Variants in KANK1 observed in about 807,000 individuals in gnomAD.
KANK1 encodes KN motif and ankyrin repeat domains 1, also known as KN motif and ankyrin repeat domain-containing protein 1.
Under a neutral mutation model 106.2 loss-of-function variants are expected in KANK1, and 109 were observed. The observed-to-expected ratio is 1.03, with a 90% confidence interval of 0.88 to 1.20. KANK1 has a LOEUF of 1.20. Among genes scored for constraint, KANK1 ranks in the 50% most tolerant of loss-of-function variants. The probability of loss-of-function intolerance (pLI) is 0.00; values close to 1 mark genes in which losing one functional copy is unlikely to be tolerated. For synonymous variants in KANK1, 873 were observed against 652.2 expected (o/e 1.34, Z -5.16); for missense variants, 2,399 against 1,710.7 (o/e 1.40, Z -7.10).
intron 1 of KANK1, among the ~76,000 whole-genome samples, chr9:674,849 G>A (rs1339038826): frequency 3.3e-5 from 5 of 152,052 alleles, no homozygotes; most frequent in East Asian, 3.9e-4. Context: ...GATTACAGGC[G>A]TGCACCACCA....
At chr9:648,232 G>A (rs1255221648) in intron 1 of KANK1, among the ~76,000 whole-genome samples, 1 of 143,118 alleles carries the variant, frequency 7.0e-6, no homozygotes, top group East Asian at 1.9e-4. Flanking sequence ...TCAATCTCTT[G>A]ACCCTGTGAT....
At position 722,967 on chromosome 9, in the gene KANK1, T is replaced by G. The variant is rs571637759; in HGVS notation, c.2699-7084T>G. ...GACAATGATGGGGAAAAAAGACATC[T>G]CTGTGGAATGGTTGGAATGGTATCA... On this transcript the variant is annotated intron_variant, in intron 3 of 11. Coordinates refer to ENST00000382297, the MANE Select transcript of KANK1 (RefSeq NM_015158.5). Among the ~76,000 whole-genome samples the G allele has an allele frequency of 5.3e-4, 81 of 152,192 alleles. 1 individual carries two copies. The highest frequency in any genetic ancestry group is 1.9e-3 in the African/African-American group (78 of 41,538).
intron 3 of KANK1, among the ~76,000 whole-genome samples, chr9:716,686 A>G (rs1827795454): frequency 6.6e-6 from 1 of 152,194 alleles, no homozygotes. Context: ...TATGCAAAAA[A>G]GTGTTATTTT....
rs556334266 is a variant in KANK1, at chr9:619,049, C to T, written c.-83-57841C>T. Among the ~76,000 whole-genome samples the T allele has an allele frequency of 2.4e-4, 36 of 152,268 alleles. 1 individual carries two copies. In the South Asian group the frequency reaches 5.2e-3, roughly 22 times the overall value. On this transcript the variant is annotated intron_variant, in intron 1 of 11. Transcript: ENST00000382297. ...AAATTTAGTGTCTGTTGGTCAAAAT[C>T]CACAGGACCTTTAGGAGAGAAAATG...
At chr9:742,163 C>A (rs368063539) in intron 9 of KANK1, 42 bp from the exon 10 acceptor site, 3 of 1,567,566 alleles carry the variant, frequency 1.9e-6, no homozygotes, top group Non-Finnish European at 2.6e-6. Context: ...CCACTGCCAG[C>A]TCAGTACGTA....
At chr9:644,910 C>G (rs1839308609) in intron 1 of KANK1, among the ~76,000 whole-genome samples, 1 of 150,732 alleles carries the variant, frequency 6.6e-6, no homozygotes, top group African/African-American at 2.5e-5. Context: ...TGCCTGAGCT[C>G]AGGAGTTCAA....
intron 1 of KANK1, among the ~76,000 whole-genome samples, chr9:582,291 T>TTTG (rs1206065841): frequency 1.1e-4 from 17 of 152,272 alleles, no homozygotes; most frequent in Non-Finnish European, 1.6e-4. Flanking sequence ...GAGGCATTTC[T>TTTG]TTGTTGTTGT....
At chr9:684,096 G>C (rs1323262) in intron 2 of KANK1, 359,200 of 892,222 alleles carry the variant, frequency 0.4, 77,780 homozygotes, top group East Asian at 0.9. Context: ...AAAAGCCCCT[G>C]GCTCATCAGA....
At chr9:477,684 C>G (rs2058129854) in intron 3 of KANK1, 1 of 152,278 alleles carries the variant, frequency 6.6e-6, no homozygotes, top group African/African-American at 2.4e-5. Context: ...AAGAAAAAGA[C>G]TGTGTTCTGC....
chr9:683,463 T>C lies in KANK1; in HGVS notation c.37+6454T>C, dbSNP rs181241796. On this transcript the variant is annotated intron_variant, in intron 2 of 11. Transcript: ENST00000382297. ...GTTGTCCAGCCTTCCTTCCATACTC[T>C]CAGATGACAAAACACAAGTTGCTGA... Among the ~76,000 whole-genome samples, 261 of 152,266 alleles carry C rather than the reference T, an allele frequency of 1.7e-3. 1 individual carries two copies. Among genetic ancestry groups the C allele is most frequent in the Non-Finnish European group, 3.3e-3 (222 of 68,022 alleles).
At chr9:506,128 C>T (rs1177710890) in intron 1 of KANK1, among the ~76,000 whole-genome samples, 1 of 152,066 alleles carries the variant, frequency 6.6e-6, no homozygotes. Flanking sequence ...TTTCGTTGCC[C>T]CCAAAAAGAA....
intron 1 of KANK1, among the ~76,000 whole-genome samples, chr9:542,884 G>A (rs560449481): frequency 1.5e-3 from 226 of 152,292 alleles, no homozygotes; most frequent in African/African-American, 5.1e-3. Flanking sequence ...GGTTGTCAGG[G>A]GCTGGGAGAT....
chr9:535,618 A>G lies in KANK1; in HGVS notation c.-84+30864A>G, dbSNP rs188174057. On this transcript the variant is annotated intron_variant, in intron 1 of 11. Coordinates refer to ENST00000382297, the MANE Select transcript of KANK1 (RefSeq NM_015158.5). Reference sequence around the variant, plus strand: ...CGTGAGATGAAACAGACAATACAGTACACCTGCTGAGTGACAGAGTTGTCC... The same window carrying G: ...CGTGAGATGAAACAGACAATACAGTGCACCTGCTGAGTGACAGAGTTGTCC... 1.4e-3 allele frequency among the ~76,000 whole-genome samples: 214 copies of G among 152,306 alleles called. 1 individual carries two copies. The highest frequency in any genetic ancestry group is 5.1e-3 in the African/African-American group (212 of 41,566).
chr9:725,309 A>G (rs988526617), intron 3 of KANK1, among the ~76,000 whole-genome samples: 8 of 152,070 alleles, frequency 5.3e-5, no homozygotes, highest in Non-Finnish European at 8.8e-5. Context: ...GCTAACCAAC[A>G]TGGTAAAACT....
At position 734,799 on chromosome 9, in the gene KANK1, T is replaced by C. The variant is rs1833320643; in HGVS notation, c.3297T>C (p.Thr1099=). 1 of 1,613,800 alleles carries C rather than the reference T, an allele frequency of 6.2e-7. No homozygotes were observed. The highest frequency in any genetic ancestry group is 1.3e-5 in the African/African-American group (1 of 74,940). The change falls in exon 7 of 12, where the codon ACT becomes ACC. Residue 1099 remains threonine (T), a synonymous_variant. Transcript: ENST00000382297. ...MLSACNLLKN[T]INDPKALTSK... ...CTGCATGCAACTTACTGAAAAATACTATAAATGACCCCAAAGCTTTGACCA... is the reference window on the plus strand; with the variant it reads ...CTGCATGCAACTTACTGAAAAATACCATAAATGACCCCAAAGCTTTGACCA...
At chr9:540,110 C>G (rs1403546730) in intron 1 of KANK1, among the ~76,000 whole-genome samples, 12 of 152,126 alleles carry the variant, frequency 7.9e-5, no homozygotes, top group Non-Finnish European at 1.8e-4. Context: ...CTGTTTTGCT[C>G]CTGATCTTAG....
intron 1 of KANK1, among the ~76,000 whole-genome samples, chr9:624,882 T>G (rs142364937): frequency 1.3e-5 from 2 of 152,310 alleles, no homozygotes; most frequent in Non-Finnish European, 2.9e-5. Flanking sequence ...AGAGCCCATC[T>G]CTGAGGAAAA....
chr9:486,074 G>A (rs985208575), intron 3 of KANK1, among the ~76,000 whole-genome samples: 1 of 151,998 alleles, frequency 6.6e-6, no homozygotes, highest in Non-Finnish European at 1.5e-5. Context: ...GATGAATCTC[G>A]CCTGACTCCA....
In KANK1 at chr9:729,781, A is replaced by AG. The variant is rs141509381; in HGVS notation, c.2699-270_2699-269insG. 0.061 allele frequency among the ~76,000 whole-genome samples: 9,248 copies of AG among 152,192 alleles called. 697 individuals carry two copies. Among genetic ancestry groups the AG allele is most frequent in the East Asian group, 0.19 (982 of 5,156 alleles). On this transcript the variant is annotated intron_variant, in intron 3 of 11. Transcript: ENST00000382297. ...AAGTAGTAATGGAAGAGGGGCAGTA[A>AG]AATGCTACTTCCATGACTAGAAACC... is the stretch of plus-strand genomic sequence containing the variant.
Sources: gnomAD v4.1 joint callset for allele counts (sites outside exome capture counted in the v4.1 genomes callset) on GRCh38, gnomAD v4.1.1 for gene constraint, MANE v1.5 for transcripts, NCBI Gene and HGNC (gene_info 2026-07-23, HGNC 2026-07-21) for gene names.